SRBD1: variants seen among roughly 807,000 people sequenced by gnomAD.
The protein encoded by SRBD1 is S1 RNA binding domain 1, also known as S1 RNA-binding domain-containing protein 1.
SRBD1 carries 88 observed loss-of-function variants against 115.3 expected under a neutral mutation model. The observed-to-expected ratio is 0.76, with a 90% CI of 0.64 to 0.91. The LOEUF (loss-of-function observed/expected upper bound fraction) is 0.91. SRBD1 is among the 40% of genes least tolerant of loss of function. SRBD1 has a pLI of 0.00. For missense variants in SRBD1, 1,385 were observed against 1,177.4 expected (o/e 1.18, Z -2.58); for synonymous variants, 509 against 407.7 (o/e 1.25, Z -2.99).
Position 45,513,131 on chromosome 2 carries a change from G to T in SRBD1, c.1875-24800C>A, listed in dbSNP as rs1293492922. On this transcript the variant is annotated intron_variant, in intron 14 of 20. Coordinates refer to ENST00000263736, the MANE Select transcript of SRBD1 (RefSeq NM_018079.5). Reference sequence around the variant, plus strand: ...TCTACTTTGAAACTCTTTCCTTCCTGGCCCTAACAATATTCTTCTATAATT... The same window carrying T: ...TCTACTTTGAAACTCTTTCCTTCCTTGCCCTAACAATATTCTTCTATAATT... Among the ~76,000 whole-genome samples, 4 of 152,014 alleles carry T rather than the reference G, an allele frequency of 2.6e-5. No homozygotes were observed. The East Asian group carries it at 5.8e-4, about 22-fold the overall frequency.
intron 17 of SRBD1, among the ~76,000 whole-genome samples, chr2:45,418,989 G>C (rs1049608335): frequency 6.6e-6 from 1 of 152,118 alleles, no homozygotes; most frequent in Admixed American, 6.5e-5. Context: ...ATATAGAGCT[G>C]AACTACAGAA....
intron 16 of SRBD1, among the ~76,000 whole-genome samples, chr2:45,474,932 T>C (rs1669762011): frequency 6.6e-6 from 1 of 152,198 alleles, no homozygotes; most frequent in African/African-American, 2.4e-5. Context: ...CTGATGATGG[T>C]AGTGTAATTA....
chr2:45,436,589 T>A (rs1176465334), intron 16 of SRBD1, among the ~76,000 whole-genome samples: 1 of 152,174 alleles, frequency 6.6e-6, no homozygotes, highest in African/African-American at 2.4e-5. Context: ...GAAGCAGGCA[T>A]GACTTACATG....
intron 14 of SRBD1, among the ~76,000 whole-genome samples, chr2:45,544,779 A>G (rs1672055456): frequency 6.6e-6 from 1 of 152,254 alleles, no homozygotes; most frequent in African/African-American, 2.4e-5. Flanking sequence ...TTATAATAAA[A>G]GTACGTATAT....
Position 45,573,140 on chromosome 2 carries a change from TA to T in SRBD1, c.1305+66del, listed in dbSNP as rs1258908932. The stretch of plus-strand genomic sequence containing the variant: ...AAAATTATTTAAATTCTTAGTAAAG[TA>T]GCAGGCAAATCCAAAATATTATCAT... On this transcript the variant is annotated intron_variant, in intron 9 of 20. Transcript: ENST00000263736. 5 of 1,460,436 alleles carry T rather than the reference TA, an allele frequency of 3.4e-6. No individual in the cohort carries two copies. The East Asian group carries it at 1.2e-4, about 36-fold the overall frequency. 90.5% of individuals were successfully genotyped at this position (1,460,436 alleles called of 1,614,324 possible). A position where few individuals can be genotyped will look rare whatever the true frequency, so the allele number is the denominator to read the frequency against.
At chr2:45,425,067 T>C (rs1291344409) in intron 16 of SRBD1, among the ~76,000 whole-genome samples, 1 of 152,228 alleles carries the variant, frequency 6.6e-6, no homozygotes. Context: ...TTAGCCCCCC[T>C]GAGCATCCTG....
intron 10 of SRBD1, among the ~76,000 whole-genome samples, chr2:45,555,029 C>A (rs1009456138): frequency 6.6e-6 from 1 of 151,364 alleles, no homozygotes; most frequent in Non-Finnish European, 1.5e-5. Flanking sequence ...GATTTTATCC[C>A]CCTTACCCCA....
intron 19 of SRBD1, among the ~76,000 whole-genome samples, chr2:45,410,160 G>A (rs1334970291): frequency 6.6e-6 from 1 of 152,192 alleles, no homozygotes; most frequent in African/African-American, 2.4e-5. Context: ...AAAGTGTTCA[G>A]TGTTGCCAGG....
In SRBD1 at chr2:45,500,586, C is replaced by T. The variant is rs915092009; in HGVS notation, c.1875-12255G>A. Reference sequence around the variant, plus strand: ...TATAAGCACATGCCATCATGCCCAGCTAATTTTTTTGTAGACATGGGGTTT... The same window carrying T: ...TATAAGCACATGCCATCATGCCCAGTTAATTTTTTTGTAGACATGGGGTTT... On this transcript the variant is annotated intron_variant, in intron 14 of 20. Transcript: ENST00000263736. Among the ~76,000 whole-genome samples, 8 of 152,110 alleles carry T rather than the reference C, an allele frequency of 5.3e-5. No homozygotes were observed. The East Asian group carries it at 1.4e-3, about 26-fold the overall frequency.
intron 10 of SRBD1, among the ~76,000 whole-genome samples, chr2:45,559,777 G>C (rs1672601692): frequency 6.6e-6 from 1 of 152,116 alleles, no homozygotes; most frequent in Non-Finnish European, 1.5e-5. Context: ...TTATCTAAAT[G>C]AAGAAAAAGT....
In SRBD1 at chr2:45,522,796, G is replaced by C. The variant is rs114754483; in HGVS notation, c.1874+23936C>G. Among the ~76,000 whole-genome samples, 506 of 151,788 alleles carry C rather than the reference G, an allele frequency of 3.3e-3. 1 individual carries two copies. The highest frequency in any genetic ancestry group is 5.0e-3 in the Admixed American group (76 of 15,262). ...TTTTCTTAACATTTTCTTTTCTCTG[G>C]CTTACTTTATTGTAACAATATCGAA... is the stretch of plus-strand genomic sequence containing the variant. On this transcript the variant is annotated intron_variant, in intron 14 of 20. Coordinates refer to ENST00000263736, the MANE Select transcript of SRBD1 (RefSeq NM_018079.5).
chr2:45,481,706 T>TA (rs11352035), intron 15 of SRBD1, among the ~76,000 whole-genome samples: 3 of 151,784 alleles, frequency 2.0e-5, no homozygotes, highest in Admixed American at 1.3e-4. Context: ...CCAAAAATGT[T>TA]AAAAAAAAAA....
At chr2:45,405,202 A>G (rs944406479) in intron 19 of SRBD1, among the ~76,000 whole-genome samples, 3 of 152,166 alleles carry the variant, frequency 2.0e-5, no homozygotes, top group African/African-American at 7.2e-5. Flanking sequence ...CCAAGATTGC[A>G]TAACAGTACT....
chr2:45,606,609 A>G (rs908004385), intron 1 of SRBD1, among the ~76,000 whole-genome samples: 3 of 152,234 alleles, frequency 2.0e-5, no homozygotes, highest in African/African-American at 7.2e-5. Flanking sequence ...AACTTAAATA[A>G]AATGATTAAT....
intron 14 of SRBD1, among the ~76,000 whole-genome samples, chr2:45,523,885 A>G (rs1671361907): frequency 1.3e-5 from 2 of 151,910 alleles, no homozygotes; most frequent in East Asian, 1.9e-4. Context: ...AAAATACCAA[A>G]TAATATCTCT....
At chr2:45,415,683 G>A (rs529570396) in intron 18 of SRBD1, among the ~76,000 whole-genome samples, 2 of 19,060 alleles carry the variant, frequency 1.0e-4, no homozygotes, top group Admixed American at 5.5e-4. Context: ...GGAGGGGAGG[G>A]GACGGGAGAG....
chr2:45,601,880 C>A (rs528716338), intron 3 of SRBD1, 23 bp downstream of exon 3: 1 of 1,612,494 alleles, frequency 6.2e-7, no homozygotes, highest in South Asian at 1.1e-5. Flanking sequence ...ACAGAGTTCC[C>A]TCTATCCAGC....
intron 7 of SRBD1, 63 bp from the exon 8 acceptor site, chr2:45,574,786 T>C (rs1241129942): frequency 4.4e-6 from 6 of 1,367,538 alleles, no homozygotes; most frequent in African/African-American, 1.5e-5. Flanking sequence ...TTAAATTCTA[T>C]AACTAAATCA....
intron 11 of SRBD1, among the ~76,000 whole-genome samples, chr2:45,551,963 A>C (rs941084222): frequency 6.6e-6 from 1 of 152,198 alleles, no homozygotes. Flanking sequence ...TAATCCAGAC[A>C]AAAAATGATG....
Sources: gnomAD v4.1 joint callset for allele counts (sites outside exome capture counted in the v4.1 genomes callset) on GRCh38, gnomAD v4.1.1 for gene constraint, MANE v1.5 for transcripts, NCBI Gene and HGNC (gene_info 2026-07-23, HGNC 2026-07-21) for gene names.